The following ITIH5 variants were observed in gnomAD, a reference collection of about 807,000 sequenced individuals.
The protein encoded by ITIH5 is inter-alpha-trypsin inhibitor heavy chain 5.
A neutral mutation model predicts 77.5 loss-of-function variants in ITIH5; 65 were observed. The observed-to-expected ratio is 0.84, with a 90% CI of 0.69 to 1.03. The LOEUF (loss-of-function observed/expected upper bound fraction) is 1.03, where lower values mean the gene tolerates loss of function less well. ITIH5 is among the 50% of genes least tolerant of loss of function. The pLI is 0.00. For synonymous variants in ITIH5, 525 were observed against 494.3 expected (o/e 1.06, Z -0.82); for missense variants, 1,208 against 1,213.1 (o/e 1.00, Z 0.06).
intron 7 of ITIH5, among the ~76,000 whole-genome samples, chr10:7,610,805 T>G (rs146743928): frequency 6.6e-6 from 1 of 152,174 alleles, no homozygotes; most frequent in South Asian, 2.1e-4. Flanking sequence ...CTCAGACATG[T>G]GTTTGGCTGG....
chr10:7,574,792 CG>C (rs1554748361), intron 10 of ITIH5, among the ~76,000 whole-genome samples: 1 of 79,434 alleles, frequency 1.3e-5, no homozygotes, highest in Non-Finnish European at 2.6e-5. Context: ...GACTCCATCT[CG>C]GAAAAAAAAA....
intron 13 of ITIH5, 76 bp downstream of exon 13, chr10:7,565,954 G>A: frequency 6.5e-7 from 1 of 1,534,208 alleles, no homozygotes; most frequent in Non-Finnish European, 8.8e-7. Context: ...AACGAAAGGT[G>A]TTGGCAATAT....
chr10:7,633,213 G>A (rs1291847726), intron 5 of ITIH5, among the ~76,000 whole-genome samples: 1 of 152,180 alleles, frequency 6.6e-6, no homozygotes, highest in Non-Finnish European at 1.5e-5. Context: ...GTATTTCACC[G>A]TATACCAATT....
At chr10:7,605,737 G>A (rs1279403787) in intron 7 of ITIH5, among the ~76,000 whole-genome samples, 2 of 151,862 alleles carry the variant, frequency 1.3e-5, no homozygotes, top group Non-Finnish European at 2.9e-5. Context: ...CACAATCCCT[G>A]AGTAACAAAG....
At chr10:7,631,716 A>G (rs1833715991) in intron 5 of ITIH5, among the ~76,000 whole-genome samples, 1 of 152,166 alleles carries the variant, frequency 6.6e-6, no homozygotes, top group African/African-American at 2.4e-5. Flanking sequence ...AGAGGAACAA[A>G]ATACATTTTA....
chr10:7,564,962 TAC>T (rs574987194), intron 13 of ITIH5, among the ~76,000 whole-genome samples: 2,036 of 142,428 alleles, frequency 0.014, 19 homozygotes, highest in South Asian at 0.022. Context: ...ACTGTATACA[TAC>T]ATATACATAT....
rs869139058 is a variant in ITIH5, at chr10:7,627,827, C to CTTT, written c.652+9398_652+9400dup. On this transcript the variant is annotated intron_variant, in intron 5 of 13. Coordinates refer to ENST00000397146, the MANE Select transcript of ITIH5 (RefSeq NM_030569.7). ...GAATCTCACAGAACATGAAATTAAC[C>CTTT]TTTTTTTTTTTTTTTTTTTTTTTTT... is the stretch of plus-strand genomic sequence containing the variant. Among the ~76,000 whole-genome samples the CTTT allele has an allele frequency of 7.3e-4, 66 of 90,842 alleles. 3 individuals carry two copies. Among genetic ancestry groups the CTTT allele is most frequent in the African/African-American group, 1.3e-3 (26 of 20,264 alleles). The allele number at this position is 90,842 out of a possible 152,430, so 59.6% of individuals were successfully genotyped here. A position where few individuals can be genotyped will look rare whatever the true frequency, so the allele number is the denominator to read the frequency against.
intron 5 of ITIH5, among the ~76,000 whole-genome samples, chr10:7,630,008 C>T (rs1833687435): frequency 6.6e-6 from 1 of 152,088 alleles, no homozygotes; most frequent in Non-Finnish European, 1.5e-5. Flanking sequence ...GTGTGATATT[C>T]TATACATGTA....
intron 7 of ITIH5, among the ~76,000 whole-genome samples, chr10:7,589,545 C>A (rs1832750672): frequency 6.6e-6 from 1 of 152,120 alleles, no homozygotes; most frequent in Admixed American, 6.5e-5. Flanking sequence ...CCTTCTCATC[C>A]TACTGAAGAA....
At chr10:7,654,753 T>A (rs1588430819) in intron 2 of ITIH5, among the ~76,000 whole-genome samples, 1 of 152,340 alleles carries the variant, frequency 6.6e-6, no homozygotes, top group East Asian at 1.9e-4. Flanking sequence ...CATGAAATGG[T>A]AACAAACTAG....
intron 2 of ITIH5, among the ~76,000 whole-genome samples, chr10:7,644,897 T>TAA (rs1351987722): frequency 1.8e-4 from 6 of 33,928 alleles, no homozygotes; most frequent in Admixed American, 4.0e-4. Flanking sequence ...CATATATATA[T>TAA]CACATATATA....
intron 5 of ITIH5, 53 bp downstream of exon 5, chr10:7,637,175 C>T (rs1833811450): frequency 1.9e-6 from 3 of 1,565,894 alleles, no homozygotes; most frequent in East Asian, 2.3e-5. Context: ...AAGCCAAGGA[C>T]CAGCTGGGTG....
intron 5 of ITIH5, among the ~76,000 whole-genome samples, chr10:7,625,590 A>C (rs11255251): frequency 0.86 from 130,164 of 151,906 alleles, 55,919 homozygotes; most frequent in East Asian, 1. Flanking sequence ...CATGGTGAAA[A>C]CCTGTCTCTA....
intron 1 of ITIH5, among the ~76,000 whole-genome samples, 193 bp from the exon 2 acceptor site, chr10:7,655,868 T>C (rs1834174003): frequency 6.6e-6 from 1 of 152,216 alleles, no homozygotes; most frequent in Non-Finnish European, 1.5e-5. Flanking sequence ...AGAATTAGAA[T>C]TCATCCCTGT....
intron 7 of ITIH5, among the ~76,000 whole-genome samples, chr10:7,607,431 A>G (rs1320612425): frequency 6.6e-6 from 1 of 152,312 alleles, no homozygotes; most frequent in East Asian, 1.9e-4. Flanking sequence ...GGATCGCTTG[A>G]GTCCAGGAGT....
intron 7 of ITIH5, chr10:7,609,476 C>T (rs185526153): frequency 8.8e-6 from 4 of 456,666 alleles, no homozygotes; most frequent in East Asian, 6.9e-5. Context: ...TTTTGGACAG[C>T]GAGGGAGAAA....
Position 7,633,596 on chromosome 10 carries a change from G to C in ITIH5, c.652+3632C>G, listed in dbSNP as rs532029870. ...TATTTCTATCCATAATTAAATATGA[G>C]ACCTTGTCCATATTACTGAACCTCT... On this transcript the variant is annotated intron_variant, in intron 5 of 13. Transcript: ENST00000397146. Among the ~76,000 whole-genome samples, 4 of 152,056 alleles carry C rather than the reference G, an allele frequency of 2.6e-5. No individual in the cohort carries two copies. The South Asian group carries it at 8.3e-4, about 32-fold the overall frequency.
intron 6 of ITIH5, among the ~76,000 whole-genome samples, chr10:7,616,397 G>GT (rs61480852): frequency 0.19 from 29,451 of 151,666 alleles, 3,814 homozygotes; most frequent in African/African-American, 0.37. Context: ...CCTTCATTAT[G>GT]TTTTTTTTAC....
chr10:7,654,966 AT>A (rs59584863), intron 2 of ITIH5, among the ~76,000 whole-genome samples: 60,218 of 150,324 alleles, frequency 0.4, 12,083 homozygotes, highest in South Asian at 0.44. Context: ...CAAAAAAAAA[AT>A]TTTTTTTAAT....
Sources: gnomAD v4.1 joint callset for allele counts (sites outside exome capture counted in the v4.1 genomes callset) on GRCh38, gnomAD v4.1.1 for gene constraint, MANE v1.5 for transcripts, NCBI Gene and HGNC (gene_info 2026-07-23, HGNC 2026-07-21) for gene names.